The following TMEM200C variants were observed in gnomAD, a reference collection of about 807,000 sequenced individuals.
TMEM200C encodes transmembrane protein TTMA.
For missense variants in TMEM200C, 966 were observed against 699.9 expected, an observed-to-expected ratio of 1.38 and a Z score of -4.29; for synonymous variants, 462 against 324.7, an observed-to-expected ratio of 1.42 and a Z score of -4.55.
rs1327777134 is a variant in TMEM200C at position 5,891,368 on chromosome 18, C to G, written c.696G>C (p.Ser232=). The change falls in exon 3 of 3, where the codon TCG becomes TCC. Residue 232 remains serine (S), a synonymous_variant. Transcript: ENST00000581347. This position sits in a 1 kb window ranked among gnomAD's most constrained non-coding sequence, Gnocchi z 4.7. ...GCGCCGCGGCGGGGGCAGACGACGA[C>G]GAAGAGGCGGCGGCGGCCGCGGCGG... The G allele has an allele frequency of 1.2e-5, 16 of 1,349,816 alleles. No individual in the cohort carries two copies. The highest frequency in any genetic ancestry group is 4.0e-5 in the Admixed American group (1 of 25,246). The allele number at this position is 1,349,816 out of a possible 1,614,324, so 83.6% of individuals were successfully genotyped here.
exon 3 of TMEM200C, chr18:5,892,148 C>A: frequency 7.8e-7 from 1 of 1,282,000 alleles, no homozygotes; most frequent in Non-Finnish European, 1.1e-6. Context: ...TGCTCAGCCA[C>A]CTCCTCCTGC....
Position 5,890,292 on chromosome 18 carries a change from ACCGG to A in TMEM200C, c.1768_1771del (p.Pro590CysfsTer13), listed in dbSNP as rs1599525527. The A allele has an allele frequency of 6.3e-7, 1 of 1,599,732 alleles. No individual in the cohort carries two copies. Among genetic ancestry groups the A allele is most frequent in the East Asian group, 2.3e-5 (1 of 44,426 alleles). On this transcript the variant is annotated frameshift_variant, in exon 3 of 3. Transcript: ENST00000581347. LOFTEE classifies it low-confidence loss of function (END_TRUNC). Reference sequence around the variant, plus strand: ...CTCCTTGTTTGTAAACTGCCTCTGCACCGGCTGAGGTTGCTCGGCCGTGGGTGGC... The same window carrying A: ...CTCCTTGTTTGTAAACTGCCTCTGCACTGAGGTTGCTCGGCCGTGGGTGGC...
chr18:5,891,570 A>G lies in TMEM200C; in HGVS notation c.494T>C (p.Leu165Pro). The G allele has an allele frequency of 6.2e-7, 1 of 1,613,690 alleles. No homozygotes were observed. The highest frequency in any genetic ancestry group is 8.5e-7 in the Non-Finnish European group (1 of 1,179,784). Reference sequence around the variant, plus strand: ...CATGATGAGGGGCCCGAAGACCTTGAGCTTGTCAGAGTGCAGGTAGCCAGA... The same window carrying G: ...CATGATGAGGGGCCCGAAGACCTTGGGCTTGTCAGAGTGCAGGTAGCCAGA... The change falls in exon 3 of 3, where the codon CTC becomes CCC. Residue 165 changes from leucine (L) to proline (P), a missense_variant. Coordinates refer to ENST00000581347, the Ensembl canonical transcript of TMEM200C. This position sits in a 1 kb window ranked among gnomAD's most constrained non-coding sequence, Gnocchi z 4.7.
At chr18:5,886,792 C>T (rs1301368676) in exon 3 of TMEM200C, 1 of 148,106 alleles carries the variant, frequency 6.8e-6, no homozygotes. Flanking sequence ...GTTATATAAC[C>T]CCCTAAGTCA....
chr18:5,889,873 G>C (rs2095168281), exon 3 of TMEM200C: 1 of 202,168 alleles, frequency 4.9e-6, no homozygotes, highest in African/African-American at 2.3e-5. Flanking sequence ...CACAGTTACT[G>C]TCAAAAATAT....
At chr18:5,895,119 G>C (rs1028291916) in exon 2 of TMEM200C, 10 of 152,164 alleles carry the variant, frequency 6.6e-5, no homozygotes, top group South Asian at 2.1e-4. Context: ...CCGAGCCGAC[G>C]GCGGAGCGCA....
At chr18:5,890,758 G>A (rs1263670343) in exon 3 of TMEM200C, 1 of 601,518 alleles carries the variant, frequency 1.7e-6, no homozygotes, top group Non-Finnish European at 3.0e-6. Flanking sequence ...GGCTCCCGGC[G>A]CGCCCCGCGC....
At position 5,891,061 on chromosome 18, in the gene TMEM200C, T is replaced by C; in HGVS notation, c.1003A>G (p.Ser335Gly). ...GCGGTGGCAGCGGCGGCCCGGCGAC[T>C]GCCTGCCACGCCCGAGCGCTCGCGG... Residue 335 changes from serine (S) to glycine (G), a missense_variant, in exon 3 of 3, where the codon AGT (serine) becomes GGT (glycine). By Grantham distance (56) the Ser-to-Gly change is moderately conservative. Transcript: ENST00000581347. This position sits in a 1 kb window ranked among gnomAD's most constrained non-coding sequence, Gnocchi z 4.7. 3.7e-6 allele frequency: 2 copies of C among 539,608 alleles called. No homozygotes were observed. The highest frequency in any genetic ancestry group is 6.9e-5 in the East Asian group (2 of 28,782). The allele number at this position is 539,608 out of a possible 1,614,324, so 33.4% of individuals were successfully genotyped here. A position where few individuals can be genotyped will look rare whatever the true frequency, so the allele number is the denominator to read the frequency against.
intron 2 of TMEM200C, among the ~76,000 whole-genome samples, chr18:5,894,337 C>T (rs1220988971): frequency 6.6e-6 from 1 of 152,196 alleles, no homozygotes; most frequent in Non-Finnish European, 1.5e-5. Flanking sequence ...GTTTATTATT[C>T]CTTCAGCTCT....
intron 2 of TMEM200C, 75 bp from the exon 2 acceptor site, chr18:5,892,232 C>T (rs2095172019): frequency 1.5e-6 from 1 of 675,654 alleles, no homozygotes. Flanking sequence ...CTGCCCTACT[C>T]CCAGATCCCA....
intron 1 of TMEM200C, 59 bp from the exon 1 acceptor site, chr18:5,895,581 G>A (rs961088677): frequency 8.3e-5 from 2 of 24,200 alleles, no homozygotes; most frequent in Admixed American, 5.4e-4. Flanking sequence ...CCCGCCCCCC[G>A]CCCCACCCCC....
At chr18:5,893,220 A>G (rs369140180) in intron 2 of TMEM200C, among the ~76,000 whole-genome samples, 3 of 152,340 alleles carry the variant, frequency 2.0e-5, no homozygotes, top group African/African-American at 2.4e-5. Flanking sequence ...TAGGCAACTA[A>G]CTAGGTAAAG....
rs780102482 is a variant in TMEM200C, at chr18:5,890,496, C to T, written c.1568G>A (p.Gly523Glu). The change falls in exon 3 of 3, where the codon GGG becomes GAG. Residue 523 changes from glycine (G) to glutamate (E), a missense_variant. Gly to Glu is a moderately conservative substitution (Grantham distance 98). Transcript: ENST00000581347. ...GGATGGGTCATCCGACTGGGAGCTC[C>T]CGGAGTCCCGCCTGGTGGGGGGCGA... 15 of 1,545,170 alleles carry T rather than the reference C, an allele frequency of 9.7e-6. No homozygotes were observed. The Admixed American group carries it at 2.6e-4, about 27-fold the overall frequency.
intron 1 of TMEM200C, 40 bp from the exon 1 acceptor site, chr18:5,895,562 G>GCCCCCGCCCCCGC (rs1207195586): frequency 1.9e-4 from 26 of 139,360 alleles, no homozygotes; most frequent in Non-Finnish European, 3.6e-4. Context: ...GTCGGGGGGC[G>GCCCCCGCCCCCGC]CCCCCGCCCC....
Position 5,891,113 on chromosome 18 carries a change from G to A in TMEM200C, c.951C>T (p.Ser317=), listed in dbSNP as rs913680330. ...AGACGCTGTACACGGCCTCGGCCAG[G>A]CTCGGGGGCTCCCGCGGACAGCGCG... is the stretch of plus-strand genomic sequence containing the variant. Residue 317 remains serine, a synonymous_variant, in exon 3 of 3, where the codon AGC becomes AGT. Coordinates refer to ENST00000581347, the Ensembl canonical transcript of TMEM200C. The surrounding 1 kb of genome is among the most constrained non-coding windows in gnomAD (Gnocchi z 4.7). 2.0e-6 allele frequency: 1 copy of A among 494,650 alleles called. No homozygotes were observed. Among genetic ancestry groups the A allele is most frequent in the South Asian group, 3.8e-5 (1 of 26,636 alleles). 30.6% of individuals were successfully genotyped at this position (494,650 alleles called of 1,614,324 possible).
exon 3 of TMEM200C, chr18:5,884,872 A>G (rs2095164243): frequency 1.3e-5 from 2 of 152,154 alleles, no homozygotes; most frequent in Non-Finnish European, 1.5e-5. Flanking sequence ...GAGTTTCTCA[A>G]CTTAAAATAA....
chr18:5,886,399 ATAT>A (rs1196297168), exon 3 of TMEM200C: 2 of 152,262 alleles, frequency 1.3e-5, no homozygotes, highest in Admixed American at 1.3e-4. Flanking sequence ...TTGTTATATA[ATAT>A]TATGATCCTG....
chr18:5,883,340 A>G (rs1412236294), exon 3 of TMEM200C: 1 of 152,132 alleles, frequency 6.6e-6, no homozygotes, highest in Non-Finnish European at 1.5e-5. Flanking sequence ...TTTGAAAAGC[A>G]GGTTTTTTGC....
chr18:5,890,806 G>C (rs1272959154), exon 3 of TMEM200C: 2 of 670,688 alleles, frequency 3.0e-6, no homozygotes, highest in Non-Finnish European at 5.4e-6. Context: ...GTCATGCTCA[G>C]GTCGAGCTCG....
Sources: gnomAD v4.1 joint callset for allele counts (sites outside exome capture counted in the v4.1 genomes callset) on GRCh38, gnomAD v4.1.1 for gene constraint, Gnocchi (gnomAD v3.1) non-coding constraint, MANE v1.5 for transcripts, NCBI Gene and HGNC (gene_info 2026-07-23, HGNC 2026-07-21) for gene names.